RUNX2: variants seen among roughly 807,000 people sequenced by gnomAD.
RUNX2 encodes the protein runt-related transcription factor 2.
RUNX2 carries 10 observed loss-of-function variants against 51.7 expected under a neutral mutation model. The ratio of observed to expected loss-of-function variants is 0.19; its 90% CI spans 0.12 to 0.33. RUNX2 has a LOEUF of 0.33. Among genes scored for constraint, RUNX2 ranks in the 10% least tolerant of loss-of-function variants. The pLI, the probability that RUNX2 is intolerant of heterozygous loss-of-function variation, is 1.00. For synonymous variants in RUNX2, 276 were observed against 273.6 expected (o/e 1.01, Z -0.09); for missense variants, 562 against 691.3 (o/e 0.81, Z 2.10).
chr6:45,331,133 G>A (rs1427944013), intron 2 of RUNX2, among the ~76,000 whole-genome samples: 5 of 151,606 alleles, frequency 3.3e-5, no homozygotes, highest in Admixed American at 6.6e-5. Context: ...GTGTGCGCGC[G>A]CGCGCGCACA....
At chr6:45,343,002 G>C (rs1027197491) in intron 2 of RUNX2, among the ~76,000 whole-genome samples, 2 of 152,132 alleles carry the variant, frequency 1.3e-5, no homozygotes, top group Non-Finnish European at 2.9e-5. Flanking sequence ...TAAGCTCCCT[G>C]TGTCTCAATT....
At chr6:45,533,885 A>T (rs947579804) in intron 7 of RUNX2, among the ~76,000 whole-genome samples, 9 of 135,818 alleles carry the variant, frequency 6.6e-5, no homozygotes, top group Admixed American at 5.2e-4. Flanking sequence ...TCCCCTGTTG[A>T]GACTTTTTTT....
chr6:45,545,350 C>A, intron 8 of RUNX2, 68 bp downstream of exon 8: 2 of 1,492,850 alleles, frequency 1.3e-6, no homozygotes, highest in Non-Finnish European at 9.0e-7. Flanking sequence ...TTGTTACTGT[C>A]CGATTTGTGA....
intron 4 of RUNX2, among the ~76,000 whole-genome samples, chr6:45,432,997 T>C (rs992187600): frequency 1.3e-5 from 2 of 152,220 alleles, no homozygotes; most frequent in Non-Finnish European, 2.9e-5. Flanking sequence ...TTTTAAACCA[T>C]GTCTAATAAT....
intron 2 of RUNX2, among the ~76,000 whole-genome samples, chr6:45,390,598 A>G (rs1001361412): frequency 8.5e-5 from 13 of 152,218 alleles, no homozygotes; most frequent in African/African-American, 3.1e-4. Flanking sequence ...ATAAATGTGA[A>G]CATATTGAAC....
intron 7 of RUNX2, among the ~76,000 whole-genome samples, chr6:45,542,300 T>C (rs985620102): frequency 2.0e-5 from 3 of 152,188 alleles, no homozygotes; most frequent in Admixed American, 6.5e-5. Context: ...TTATTTTTAT[T>C]TGTGCTCCAT....
At chr6:45,423,790 C>A (rs1798305806) in intron 3 of RUNX2, among the ~76,000 whole-genome samples, 1 of 152,118 alleles carries the variant, frequency 6.6e-6, no homozygotes, top group Non-Finnish European at 1.5e-5. Flanking sequence ...AGCCCCGAAG[C>A]GGGGGCGTTC....
Position 45,538,362 on chromosome 6 carries a change from C to A in RUNX2, c.1022-6855C>A, listed in dbSNP as rs572761324. Among the ~76,000 whole-genome samples, 9 of 152,176 alleles carry A rather than the reference C, an allele frequency of 5.9e-5. No individual in the cohort carries two copies. The East Asian group carries it at 1.5e-3, about 26-fold the overall frequency. ...CTCGCCATCTCCCCGCCACCTCCCA[C>A]CCCCTCATTTGCACATGTGTACAAC... On this transcript the variant is annotated intron_variant, in intron 7 of 8. Transcript: ENST00000647337.
chr6:45,533,137 T>C lies in RUNX2; in HGVS notation c.1022-12080T>C, dbSNP rs112324386. On this transcript the variant is annotated intron_variant, in intron 7 of 8. Transcript: ENST00000647337. ...TGAAGATGAAACCCCTCTGAAGGGG[T>C]GTGTGTGTGTGTGTGTGTGTGTTGA... is the stretch of plus-strand genomic sequence containing the variant. Among the ~76,000 whole-genome samples the C allele has an allele frequency of 7.9e-5, 5 of 63,430 alleles. No individual in the cohort carries two copies. In the South Asian group the frequency reaches 1.9e-3, roughly 24 times the overall value. The allele number at this position is 63,430 out of a possible 152,430, so 41.6% of individuals were successfully genotyped here.
intron 7 of RUNX2, among the ~76,000 whole-genome samples, chr6:45,540,841 G>C (rs1187797542): frequency 6.6e-6 from 1 of 152,150 alleles, no homozygotes; most frequent in Non-Finnish European, 1.5e-5. Flanking sequence ...ACAGGTGCTG[G>C]GAGTGAAGAG....
chr6:45,417,372 G>A (rs1221287505), intron 2 of RUNX2, among the ~76,000 whole-genome samples: 1 of 152,124 alleles, frequency 6.6e-6, no homozygotes, highest in Non-Finnish European at 1.5e-5. Flanking sequence ...TAAGAAAATT[G>A]TTCTTAAGGA....
intron 2 of RUNX2, among the ~76,000 whole-genome samples, chr6:45,331,104 G>GGTGTGT (rs143223149): frequency 1.2e-3 from 185 of 149,708 alleles, no homozygotes; most frequent in South Asian, 3.0e-3. Flanking sequence ...TACAATGAGT[G>GGTGTGT]GTGTGTGTGT....
chr6:45,422,705 G>T lies in RUNX2; in HGVS notation c.171G>T (p.Gln57His). Reference sequence around the variant, plus strand: ...AACAGCAGCAGCAACAGCAGCAGCAGCAACAGCAGCAGCAGCAGCAGCAAC... The same window carrying T: ...AACAGCAGCAGCAACAGCAGCAGCATCAACAGCAGCAGCAGCAGCAGCAAC... The part of the protein sequence containing the change: ...AAQQQQQQQQ[Q>H]QQQQQQQQQQ... Residue 57 changes from glutamine to histidine, a missense_variant, in exon 3 of 9, where the codon CAG becomes CAT. By Grantham distance (24) the Gln-to-His change is conservative. This residue lies in a region of RUNX2 where 153 missense variants were observed against 144.8 expected (regional missense o/e 1.06). Coordinates refer to ENST00000647337, the MANE Select transcript of RUNX2 (RefSeq NM_001024630.4). 6.3e-7 allele frequency: 1 copy of T among 1,595,802 alleles called. No homozygotes were observed. The highest frequency in any genetic ancestry group is 8.5e-7 in the Non-Finnish European group (1 of 1,171,080).
intron 2 of RUNX2, among the ~76,000 whole-genome samples, chr6:45,389,915 A>T (rs1408449936): frequency 6.6e-6 from 1 of 152,038 alleles, no homozygotes; most frequent in East Asian, 1.9e-4. Context: ...TTGAGGCACG[A>T]GAATCACTTG....
chr6:45,378,804 C>G (rs1468191107), intron 2 of RUNX2, among the ~76,000 whole-genome samples: 1 of 151,922 alleles, frequency 6.6e-6, no homozygotes, highest in Non-Finnish European at 1.5e-5. Context: ...ATACAGTAGT[C>G]GTAAGACAAT....
chr6:45,450,901 C>T (rs1037558893), intron 5 of RUNX2, among the ~76,000 whole-genome samples: 8 of 152,254 alleles, frequency 5.3e-5, no homozygotes, highest in Non-Finnish European at 1.2e-4. Flanking sequence ...GTACCCAAGG[C>T]TGGTGTGGTG....
intron 5 of RUNX2, among the ~76,000 whole-genome samples, chr6:45,456,024 A>G (rs1018072830): frequency 2.6e-5 from 4 of 152,200 alleles, no homozygotes; most frequent in Non-Finnish European, 4.4e-5. Context: ...CAGTGCTGCC[A>G]ATTATTTCTT....
intron 2 of RUNX2, chr6:45,365,290 CG>C: frequency 6.2e-7 from 1 of 1,606,034 alleles, no homozygotes; most frequent in Admixed American, 1.7e-5. Context: ...GACTAGCTGC[CG>C]TATTATTCAT....
chr6:45,467,149 C>T (rs1799657546), intron 5 of RUNX2, among the ~76,000 whole-genome samples: 1 of 152,168 alleles, frequency 6.6e-6, no homozygotes, highest in Non-Finnish European at 1.5e-5. Context: ...GATCCTTGGC[C>T]TCTTTGCAGG....
Sources: gnomAD v4.1 joint callset for allele counts (sites outside exome capture counted in the v4.1 genomes callset) on GRCh38, gnomAD v4.1.1 for gene constraint, gnomAD v4.1.1 regional missense constraint, MANE v1.5 for transcripts, NCBI Gene and HGNC (gene_info 2026-07-23, HGNC 2026-07-21) for gene names.